The following HSPA9 variants were observed in gnomAD, a reference collection of about 807,000 sequenced individuals.
HSPA9 encodes stress-70 protein, mitochondrial.
A neutral mutation model predicts 81.5 loss-of-function variants in HSPA9; 28 were observed. That is an observed-to-expected ratio of 0.34 (90% CI 0.25 to 0.47). The LOEUF is 0.47. Ranked by LOEUF, HSPA9 falls within the 20% of genes least tolerant of loss-of-function variation. The pLI is 1.00. For synonymous variants in HSPA9, 293 were observed against 290.4 expected (o/e 1.01, Z -0.09); for missense variants, 678 against 838.0 (o/e 0.81, Z 2.36).
intron 4 of HSPA9, 51 bp downstream of exon 4, chr5:138,570,909 G>A: frequency 6.8e-7 from 1 of 1,476,496 alleles, no homozygotes; most frequent in Non-Finnish European, 9.5e-7. Flanking sequence ...GCTCTTCTGT[G>A]TGGCCCTTGC....
intron 5 of HSPA9, 51 bp from the exon 6 acceptor site, chr5:138,567,773 A>G (rs779963000): frequency 1.8e-5 from 23 of 1,307,232 alleles, no homozygotes; most frequent in Non-Finnish European, 2.5e-5. Context: ...CAGAATTATT[A>G]ATATAGCCCA....
chr5:138,557,803 TA>T, intron 13 of HSPA9, 65 bp downstream of exon 13: 1 of 938,702 alleles, frequency 1.1e-6, no homozygotes, highest in Non-Finnish European at 1.8e-6. Context: ...CTCATCATTC[TA>T]AGAGGGTCTA....
In HSPA9 at chr5:138,554,336, G is replaced by T. The variant is rs926003615; in HGVS notation, c.*1701C>A. Reference sequence around the variant, plus strand: ...TTGGAAATCCTGGAGGGCTTTTAAAGTTATCTTTAGGAGACAGTAGAGGCA... The same window carrying T: ...TTGGAAATCCTGGAGGGCTTTTAAATTTATCTTTAGGAGACAGTAGAGGCA... On this transcript the variant is annotated 3_prime_UTR_variant, in exon 17 of 17. Coordinates refer to ENST00000297185, the MANE Select transcript of HSPA9 (RefSeq NM_004134.7). Among the ~76,000 whole-genome samples, 2 of 152,206 alleles carry T rather than the reference G, an allele frequency of 1.3e-5. No individual in the cohort carries two copies. The highest frequency in any genetic ancestry group is 4.8e-5 in the African/African-American group (2 of 41,442).
At position 138,574,133 on chromosome 5, in the gene HSPA9, A is replaced by G. The variant is rs765486901; in HGVS notation, c.82-7T>C. ...TAAGGCCATTCCAGCTATCCTAAAA[A>G]AGAAAAAACTGACTCAGTCACCAAC... On this transcript the variant is annotated splice_polypyrimidine_tract_variant and splice_region_variant and intron_variant, in intron 1 of 16. Coordinates refer to ENST00000297185, the MANE Select transcript of HSPA9 (RefSeq NM_004134.7). 6.2e-7 allele frequency: 1 copy of G among 1,612,438 alleles called. No homozygotes were observed. The highest frequency in any genetic ancestry group is 8.5e-7 in the Non-Finnish European group (1 of 1,178,504).
chr5:138,554,389 A>T lies in HSPA9; in HGVS notation c.*1648T>A, dbSNP rs1246524101. 6.6e-6 allele frequency among the ~76,000 whole-genome samples: 1 copy of T among 152,192 alleles called. No homozygotes were observed. The highest frequency in any genetic ancestry group is 1.5e-5 in the Non-Finnish European group (1 of 68,028). The stretch of plus-strand genomic sequence containing the variant: ...GGGCAAGGGCCAACCAAAAATGCTA[A>T]AAGTTATTTTCCAACACACCATATA... On this transcript the variant is annotated 3_prime_UTR_variant, in exon 17 of 17. Transcript: ENST00000297185.
chr5:138,572,650 A>G (rs1054026298), intron 3 of HSPA9, among the ~76,000 whole-genome samples: 1 of 152,058 alleles, frequency 6.6e-6, no homozygotes, highest in African/African-American at 2.4e-5. Context: ...TTTTGCTTTC[A>G]TACTTCCTTT....
chr5:138,573,939 G>C (rs1191102304), intron 2 of HSPA9, 89 bp from the exon 3 acceptor site: 1 of 1,244,576 alleles, frequency 8.0e-7, no homozygotes, highest in Non-Finnish European at 1.2e-6. Context: ...AAAATTAACA[G>C]TGGTATACTA....
rs374151558 is a variant in HSPA9 at position 138,554,414 on chromosome 5, A to G, written c.*1623T>C. Among the ~76,000 whole-genome samples the G allele has an allele frequency of 6.6e-6, 1 of 152,212 alleles. No homozygotes were observed. The highest frequency in any genetic ancestry group is 2.4e-5 in the African/African-American group (1 of 41,460). ...AAAGTTATTTTCCAACACACCATAT[A>G]ACAATCCTTCATAATCCTACAATGT... is the stretch of plus-strand genomic sequence containing the variant. On this transcript the variant is annotated 3_prime_UTR_variant, in exon 17 of 17. Transcript: ENST00000297185.
chr5:138,573,641 CAAAAAAAA>C (rs57776368), intron 3 of HSPA9, 114 bp downstream of exon 3: 562 of 303,188 alleles, frequency 1.9e-3, no homozygotes, highest in East Asian at 7.6e-3. Context: ...AGACTGTCTC[CAAAAAAAA>C]AAAAAAAAAA....
Position 138,567,657 on chromosome 5 carries a change from G to C in HSPA9, c.601C>G (p.Gln201Glu). 4.3e-6 allele frequency: 7 copies of C among 1,613,612 alleles called. No homozygotes were observed. Among genetic ancestry groups the C allele is most frequent in the Non-Finnish European group, 5.9e-6 (7 of 1,179,628 alleles). ...ATGCTAATTGACCTCACCTGTCTCT[G>C]CGAGTCATTGAAATAAGCTGGGACT... The part of the protein sequence containing the change: ...ITVPAYFNDS[Q>E]RQATKDAGQI... The change falls in exon 6 of 17, where the codon CAG (glutamine) becomes GAG (glutamate). Residue 201 changes from glutamine to glutamate, a missense_variant. By Grantham distance (29) the Gln-to-Glu change is conservative. Around this residue, in one of 4 missense-constraint regions of HSPA9, gnomAD observed 484 missense variants for 647.5 expected, o/e 0.75. Coordinates refer to ENST00000297185, the MANE Select transcript of HSPA9 (RefSeq NM_004134.7).
At chr5:138,572,302 A>G (rs1454852746) in intron 3 of HSPA9, among the ~76,000 whole-genome samples, 2 of 152,102 alleles carry the variant, frequency 1.3e-5, no homozygotes, top group Non-Finnish European at 2.9e-5. Flanking sequence ...TGTAGTGCTG[A>G]TAATTGTATG....
chr5:138,556,031 CTAT>C lies in HSPA9; in HGVS notation c.*3_*5del, dbSNP rs1453370780. The C allele has an allele frequency of 9.4e-6, 15 of 1,603,838 alleles. No homozygotes were observed. Among genetic ancestry groups the C allele is most frequent in the Non-Finnish European group, 1.3e-5 (15 of 1,170,906 alleles). ...TGTCCTTCTGGCTTCAAAATTTCTG[CTAT>C]TATTACTGTTTTTCCTCCTTTTGAT... On this transcript the variant is annotated 3_prime_UTR_variant, in exon 17 of 17. Transcript: ENST00000297185.
intron 14 of HSPA9, 53 bp downstream of exon 14, chr5:138,557,349 T>G: frequency 3.2e-6 from 4 of 1,252,086 alleles, no homozygotes; most frequent in Non-Finnish European, 3.5e-6. Context: ...AAACTCCCAC[T>G]GTCAAGACTG....
At chr5:138,573,963 T>C in intron 2 of HSPA9, 105 bp downstream of exon 2, 1 of 1,234,670 alleles carries the variant, frequency 8.1e-7, no homozygotes, top group South Asian at 1.2e-5. Flanking sequence ...AATCTCTAAA[T>C]AAATACAGAT....
intron 5 of HSPA9, 88 bp downstream of exon 5, chr5:138,568,837 T>C: frequency 7.2e-7 from 1 of 1,390,060 alleles, no homozygotes; most frequent in Non-Finnish European, 1.0e-6. Context: ...CACAGATTCA[T>C]CTACAGGAGC....
At position 138,575,254 on chromosome 5, in the gene HSPA9, G is replaced by A. The variant is rs1001582519; in HGVS notation, c.65C>T (p.Thr22Met). The A allele has an allele frequency of 1.9e-6, 3 of 1,607,204 alleles. No individual in the cohort carries two copies. The highest frequency in any genetic ancestry group is 2.5e-6 in the Non-Finnish European group (3 of 1,177,646). Reference sequence around the variant, plus strand: ...GTTCCTCACCTGGTGGCGGGCGGCCGTAGGGCCCCGGGAGGCTGCGGCGCC... The same window carrying A: ...GTTCCTCACCTGGTGGCGGGCGGCCATAGGGCCCCGGGAGGCTGCGGCGCC... Reference protein sequence around the residue: ...LVGAAASRGPTAARHQDSWNG... With the variant: ...LVGAAASRGPMAARHQDSWNG... The change falls in exon 1 of 17, where the codon ACG (threonine) becomes ATG (methionine). Residue 22 changes from threonine (T) to methionine (M), a missense_variant. This residue lies in a region of HSPA9 where 89 missense variants were observed against 70.4 expected (regional missense o/e 1.27). Transcript: ENST00000297185.
chr5:138,554,347 G>GAGAC lies in HSPA9; in HGVS notation c.*1686_*1689dup, dbSNP rs753677741. Reference sequence around the variant, plus strand: ...GGAGGGCTTTTAAAGTTATCTTTAGGAGACAGTAGAGGCAGTGGGCAAGGG... The same window carrying GAGAC: ...GGAGGGCTTTTAAAGTTATCTTTAGGAGACAGACAGTAGAGGCAGTGGGCAAGGG... On this transcript the variant is annotated 3_prime_UTR_variant, in exon 17 of 17. Coordinates refer to ENST00000297185, the MANE Select transcript of HSPA9 (RefSeq NM_004134.7). Among the ~76,000 whole-genome samples the GAGAC allele has an allele frequency of 2.0e-4, 31 of 152,158 alleles. No individual in the cohort carries two copies. The highest frequency in any genetic ancestry group is 4.1e-4 in the South Asian group (2 of 4,832).
At position 138,575,289 on chromosome 5, in the gene HSPA9, G is replaced by A. The variant is rs1239526578; in HGVS notation, c.30C>T (p.Ala10=). MISASRAAA[A]RLVGAAASRG... The stretch of plus-strand genomic sequence containing the variant: ...GGGAGGCTGCGGCGCCCACGAGACG[G>A]GCTGCTGCAGCTCGGCTGGCACTTA... The change falls in exon 1 of 17, where the codon GCC becomes GCT. Residue 10 remains alanine (A), a synonymous_variant. Transcript: ENST00000297185. 6.2e-7 allele frequency: 1 copy of A among 1,612,130 alleles called. No individual in the cohort carries two copies. Among genetic ancestry groups the A allele is most frequent in the Non-Finnish European group, 8.5e-7 (1 of 1,179,596 alleles).
chr5:138,571,640 AACT>A (rs1197208328), intron 3 of HSPA9, among the ~76,000 whole-genome samples: 9 of 151,994 alleles, frequency 5.9e-5, no homozygotes, highest in East Asian at 5.8e-4. Context: ...TTTACTTTCA[AACT>A]ACTATTTTTT....
Sources: allele counts gnomAD v4.1 joint callset (sites outside exome capture counted in the v4.1 genomes callset), GRCh38; gene constraint gnomAD v4.1.1; regional missense constraint gnomAD v4.1.1; transcripts MANE v1.5; gene names NCBI Gene and HGNC (gene_info 2026-07-23, HGNC 2026-07-21).